HCN1: variants seen among roughly 807,000 people sequenced by gnomAD.
The protein encoded by HCN1 is hyperpolarization activated cyclic nucleotide gated potassium channel 1.
Under a neutral mutation model 78.9 loss-of-function variants are expected in HCN1, and 13 were observed. The ratio of observed to expected loss-of-function variants is 0.16; its 90% CI spans 0.11 to 0.26. HCN1 has a LOEUF of 0.26. Among genes scored for constraint, HCN1 ranks in the 10% least tolerant of loss-of-function variants. HCN1 has a pLI of 1.00. For missense variants in HCN1, 810 were observed against 1,154.3 expected (o/e 0.70, Z 4.32); for synonymous variants, 552 against 455.5 (o/e 1.21, Z -2.70).
At chr5:45,307,401 A>G (rs1745758642) in intron 5 of HCN1, among the ~76,000 whole-genome samples, 1 of 152,144 alleles carries the variant, frequency 6.6e-6, no homozygotes, top group Non-Finnish European at 1.5e-5. Context: ...AGAGGGGAAA[A>G]GTAGTAACTT....
intron 3 of HCN1, among the ~76,000 whole-genome samples, chr5:45,446,816 C>A (rs12381267): frequency 5.9e-4 from 89 of 151,922 alleles, no homozygotes; most frequent in African/African-American, 1.8e-3. Context: ...GAAATAAAAT[C>A]CTTTACAGAC....
At chr5:45,513,293 C>A (rs1742452039) in intron 2 of HCN1, among the ~76,000 whole-genome samples, 1 of 152,010 alleles carries the variant, frequency 6.6e-6, no homozygotes. Context: ...ACATATAACT[C>A]TGAAGAAGCC....
chr5:45,667,834 AC>A (rs1256548932), intron 1 of HCN1, among the ~76,000 whole-genome samples: 14 of 152,048 alleles, frequency 9.2e-5, no homozygotes, highest in East Asian at 1.9e-4. Flanking sequence ...TGCTAAAAAA[AC>A]AACTCCTATT....
chr5:45,434,838 T>A (rs1242118005), intron 3 of HCN1, among the ~76,000 whole-genome samples: 1 of 152,036 alleles, frequency 6.6e-6, no homozygotes, highest in Admixed American at 6.6e-5. Context: ...TAGAGAATAA[T>A]CAAAGTGAAG....
intron 1 of HCN1, among the ~76,000 whole-genome samples, chr5:45,672,116 T>C (rs960582234): frequency 3.3e-5 from 5 of 151,538 alleles, no homozygotes. Flanking sequence ...ATGTATAAAT[T>C]GATTTGACTA....
intron 4 of HCN1, among the ~76,000 whole-genome samples, chr5:45,372,206 A>C (rs1208796063): frequency 3.6e-5 from 2 of 55,316 alleles, no homozygotes; most frequent in Non-Finnish European, 5.2e-5. Context: ...TATAATACAT[A>C]TTATATAATA....
At chr5:45,596,450 C>A (rs1744498232) in intron 2 of HCN1, among the ~76,000 whole-genome samples, 2 of 152,162 alleles carry the variant, frequency 1.3e-5, no homozygotes, top group African/African-American at 4.8e-5. Flanking sequence ...AATCTGACTT[C>A]CCATTCAAGA....
chr5:45,503,131 A>G (rs1742224999), intron 2 of HCN1, among the ~76,000 whole-genome samples: 1 of 152,208 alleles, frequency 6.6e-6, no homozygotes, highest in African/African-American at 2.4e-5. Context: ...CGTGAATCAG[A>G]ATATCACTGT....
chr5:45,316,612 G>A (rs536203808), intron 5 of HCN1, among the ~76,000 whole-genome samples: 1 of 152,172 alleles, frequency 6.6e-6, no homozygotes, highest in Non-Finnish European at 1.5e-5. Flanking sequence ...TACAAAAAGA[G>A]GAAGTCAAAT....
chr5:45,651,622 G>C (rs1464301439), intron 1 of HCN1, among the ~76,000 whole-genome samples: 1 of 151,828 alleles, frequency 6.6e-6, no homozygotes, highest in African/African-American at 2.4e-5. Context: ...CTGATGATTT[G>C]GTACATATGT....
At chr5:45,640,912 T>C (rs1005078402) in intron 2 of HCN1, among the ~76,000 whole-genome samples, 1 of 148,096 alleles carries the variant, frequency 6.8e-6, no homozygotes, top group African/African-American at 2.5e-5. Context: ...AATAAAATTA[T>C]AGAAGCAGAA....
At chr5:45,363,531 A>T (rs147380168) in intron 4 of HCN1, among the ~76,000 whole-genome samples, 1 of 151,700 alleles carries the variant, frequency 6.6e-6, no homozygotes, top group African/African-American at 2.4e-5. Context: ...GTCTATAACT[A>T]AAAAAAACCT....
chr5:45,292,251 C>T (rs1034958119), intron 6 of HCN1, among the ~76,000 whole-genome samples: 1 of 151,886 alleles, frequency 6.6e-6, no homozygotes, highest in Admixed American at 6.6e-5. Context: ...CTATTTTGTA[C>T]AATATGCTGG....
At chr5:45,451,521 A>G (rs1267009240) in intron 3 of HCN1, among the ~76,000 whole-genome samples, 3 of 152,056 alleles carry the variant, frequency 2.0e-5, no homozygotes, top group Non-Finnish European at 2.9e-5. Flanking sequence ...CAGAATTACA[A>G]AAGTTGTAGA....
intron 2 of HCN1, among the ~76,000 whole-genome samples, chr5:45,634,610 A>G (rs1422109662): frequency 2.0e-5 from 3 of 151,920 alleles, no homozygotes; most frequent in South Asian, 2.1e-4. Context: ...CTCTTTCCCA[A>G]CACATTGGTA....
chr5:45,369,214 T>C (rs1278819191), intron 4 of HCN1, among the ~76,000 whole-genome samples: 1 of 152,088 alleles, frequency 6.6e-6, no homozygotes, highest in East Asian at 1.9e-4. Context: ...TTATAATGTA[T>C]TTACCTGTTC....
chr5:45,371,688 C>G (rs891687559), intron 4 of HCN1, among the ~76,000 whole-genome samples: 7 of 148,312 alleles, frequency 4.7e-5, no homozygotes, highest in African/African-American at 1.5e-4. Flanking sequence ...ACCCGGGAGG[C>G]GAAGGTTGCA....
At chr5:45,373,584 A>AAT (rs1262129415) in intron 4 of HCN1, among the ~76,000 whole-genome samples, 2 of 138,742 alleles carry the variant, frequency 1.4e-5, no homozygotes, top group African/African-American at 5.4e-5. Context: ...CGTCATCTAT[A>AAT]ATATATTACA....
At chr5:45,668,762 T>C (rs1746097020) in intron 1 of HCN1, among the ~76,000 whole-genome samples, 1 of 151,796 alleles carries the variant, frequency 6.6e-6, no homozygotes. Flanking sequence ...GTAATAAGCA[T>C]GATGCTTGTT....
Sources: allele counts gnomAD v4.1 joint callset (sites outside exome capture counted in the v4.1 genomes callset), GRCh38; gene constraint gnomAD v4.1.1; transcripts MANE v1.5; gene names NCBI Gene and HGNC (gene_info 2026-07-23, HGNC 2026-07-21).